CLASP1: variants seen among roughly 807,000 people sequenced by gnomAD.
CLASP1 encodes CLIP-associating protein 1.
CLASP1 carries 38 observed loss-of-function variants against 192.3 expected under a neutral mutation model. The ratio of observed to expected loss-of-function variants is 0.20; its 90% CI spans 0.15 to 0.26. CLASP1 has a LOEUF of 0.26. CLASP1 is among the 10% of genes least tolerant of loss of function. The pLI is 1.00. For synonymous variants in CLASP1, 691 were observed against 712.8 expected (o/e 0.97, Z 0.49); for missense variants, 1,433 against 1,932.5 (o/e 0.74, Z 4.85).
At chr2:121,387,643 G>T in intron 31 of CLASP1, 120 bp downstream of exon 32, 1 of 968,494 alleles carries the variant, frequency 1.0e-6, no homozygotes. Flanking sequence ...TCCTCAGGAT[G>T]CTCGACATTT....
intron 6 of CLASP1, among the ~76,000 whole-genome samples, chr2:121,517,746 C>T (rs1225409361): frequency 1.3e-5 from 2 of 151,298 alleles, no homozygotes; most frequent in Non-Finnish European, 2.9e-5. Flanking sequence ...ACAGTCCTAC[C>T]TACTTGGGGG....
At chr2:121,637,986 G>A (rs940824138) in intron 1 of CLASP1, among the ~76,000 whole-genome samples, 64 of 151,770 alleles carry the variant, frequency 4.2e-4, no homozygotes, top group African/African-American at 1.5e-3. Flanking sequence ...GATAACACAA[G>A]CAACAAAAGA....
At chr2:121,474,484 C>A (rs1377955418) in intron 8 of CLASP1, among the ~76,000 whole-genome samples, 2 of 152,196 alleles carry the variant, frequency 1.3e-5, no homozygotes, top group African/African-American at 4.8e-5. Flanking sequence ...CGCCTGTAAT[C>A]CCAGCACTTT....
At chr2:121,595,840 C>T (rs1000736216) in intron 2 of CLASP1, among the ~76,000 whole-genome samples, 3 of 152,172 alleles carry the variant, frequency 2.0e-5, no homozygotes, top group Non-Finnish European at 4.4e-5. Flanking sequence ...AGTATTTGGT[C>T]CCATAATATA....
chr2:121,491,823 T>C (rs2093321377), intron 8 of CLASP1, among the ~76,000 whole-genome samples: 1 of 152,206 alleles, frequency 6.6e-6, no homozygotes, highest in Non-Finnish European at 1.5e-5. Flanking sequence ...TTCATTCCTG[T>C]TTTAGTCACA....
intron 34 of CLASP1, among the ~76,000 whole-genome samples, chr2:121,376,501 G>T (rs1158417053): frequency 9.0e-6 from 1 of 110,988 alleles, no homozygotes. Flanking sequence ...CAGTAGAACT[G>T]TGGTTACTAG....
At chr2:121,389,224 C>CA (rs2073905188) in intron 30 of CLASP1, among the ~76,000 whole-genome samples, 3 of 152,040 alleles carry the variant, frequency 2.0e-5, no homozygotes, top group Admixed American at 2.0e-4. Flanking sequence ...CAAATACAGT[C>CA]ATTAATACCT....
At chr2:121,646,357 C>G (rs2073182335) in intron 1 of CLASP1, among the ~76,000 whole-genome samples, 1 of 152,328 alleles carries the variant, frequency 6.6e-6, no homozygotes, top group Non-Finnish European at 1.5e-5. Flanking sequence ...ACCCGCCCAC[C>G]TTGGCCTCCC....
At chr2:121,436,720 TTCA>T (rs1414862694) in intron 19 of CLASP1, among the ~76,000 whole-genome samples, 1 of 152,162 alleles carries the variant, frequency 6.6e-6, no homozygotes, top group Non-Finnish European at 1.5e-5. Context: ...TTTAGTGTCT[TTCA>T]TCAATTATGA....
chr2:121,358,801 C>T (rs2065857075), intron 37 of CLASP1, among the ~76,000 whole-genome samples: 1 of 152,216 alleles, frequency 6.6e-6, no homozygotes, highest in African/African-American at 2.4e-5. Flanking sequence ...CTTCCCAAAA[C>T]AAGCCAAACC....
chr2:121,461,352 G>A (rs1343470568), intron 10 of CLASP1, among the ~76,000 whole-genome samples, 159 bp from the exon 11 acceptor site: 1 of 152,038 alleles, frequency 6.6e-6, no homozygotes, highest in South Asian at 2.1e-4. Flanking sequence ...CTATAATGAG[G>A]ATCTTTCTCA....
intron 1 of CLASP1, among the ~76,000 whole-genome samples, chr2:121,636,363 A>G (rs2106287045): frequency 6.8e-6 from 1 of 146,114 alleles, no homozygotes; most frequent in East Asian, 2.0e-4. Context: ...TAATAATAAT[A>G]ATAATAATAA....
At chr2:121,458,721 A>G in intron 13 of CLASP1, 119 bp downstream of exon 13, 1 of 756,286 alleles carries the variant, frequency 1.3e-6, no homozygotes, top group Non-Finnish European at 1.9e-6. Context: ...ATTCCAATAT[A>G]ATTATGCTAA....
intron 8 of CLASP1, among the ~76,000 whole-genome samples, chr2:121,481,323 C>CA (rs796746521): frequency 2.8e-4 from 41 of 146,184 alleles, no homozygotes; most frequent in South Asian, 4.3e-4. Flanking sequence ...ATTAGGCAGC[C>CA]AAAAAAAAAA....
At chr2:121,458,185 A>G (rs1309410732) in intron 13 of CLASP1, among the ~76,000 whole-genome samples, 1 of 152,236 alleles carries the variant, frequency 6.6e-6, no homozygotes, top group Non-Finnish European at 1.5e-5. Flanking sequence ...GTAAATAACC[A>G]ATAATCAAGA....
intron 23 of CLASP1, among the ~76,000 whole-genome samples, chr2:121,413,275 AAAAC>A (rs1166852670): frequency 3.3e-5 from 5 of 152,148 alleles, no homozygotes; most frequent in Non-Finnish European, 5.9e-5. Context: ...ACAAAAAACA[AAAAC>A]AAACAAACAA....
intron 19 of CLASP1, among the ~76,000 whole-genome samples, chr2:121,430,627 A>T (rs1451255996): frequency 6.6e-6 from 1 of 152,228 alleles, no homozygotes; most frequent in East Asian, 1.9e-4. Context: ...AATACCAAAA[A>T]AAAACCCAAA....
At chr2:121,429,698 C>T (rs1053228505) in intron 20 of CLASP1, among the ~76,000 whole-genome samples, 1 of 152,190 alleles carries the variant, frequency 6.6e-6, no homozygotes, top group African/African-American at 2.4e-5. Context: ...CTGGAAAGAA[C>T]ATAGCATTAA....
intron 1 of CLASP1, among the ~76,000 whole-genome samples, chr2:121,633,028 A>ATATATATATATATATATATATATATATAT (rs71398039): frequency 7.3e-5 from 10 of 137,528 alleles, no homozygotes; most frequent in African/African-American, 1.2e-4. Context: ...ATATATATAT[A>ATATATATATATATATATATATATATATAT]GGCTTTTTTT....
Sources: allele counts gnomAD v4.1 joint callset (sites outside exome capture counted in the v4.1 genomes callset), GRCh38; gene constraint gnomAD v4.1.1; transcripts MANE v1.5; gene names NCBI Gene and HGNC (gene_info 2026-07-23, HGNC 2026-07-21).